The following OTUD7A variants were observed in gnomAD, a reference collection of about 807,000 sequenced individuals.
OTUD7A encodes OTU deubiquitinase 7A.
Under a neutral mutation model 65.7 loss-of-function variants are expected in OTUD7A, and 12 were observed. The observed-to-expected ratio is 0.18, with a 90% CI of 0.12 to 0.30. The LOEUF (loss-of-function observed/expected upper bound fraction) is 0.30, where lower values mean the gene tolerates loss of function less well. Among genes scored for constraint, OTUD7A ranks in the 10% least tolerant of loss-of-function variants. The pLI, the probability that OTUD7A is intolerant of heterozygous loss-of-function variation, is 1.00. For synonymous variants in OTUD7A, 641 were observed against 586.3 expected, an observed-to-expected ratio of 1.09 and a Z score of -1.35; for missense variants, 1,148 against 1,304.8, an observed-to-expected ratio of 0.88 and a Z score of 1.85.
In OTUD7A at chr15:31,822,153, T is replaced by C. The variant is rs147118504; in HGVS notation, c.-100+48354A>G. ...ATTTCTTCTCTTGTTCCTGGTCTTT[T>C]GGTATCGTACAGTGGTAGCTCTCTG... On this transcript the variant is annotated intron_variant, in intron 1 of 12. Coordinates refer to ENST00000307050, the MANE Select transcript of OTUD7A (RefSeq NM_001382637.1). 3.3e-3 allele frequency among the ~76,000 whole-genome samples: 500 copies of C among 152,348 alleles called. 3 individuals carry two copies. Among genetic ancestry groups the C allele is most frequent in the African/African-American group, 0.012 (484 of 41,578 alleles).
chr15:31,859,298 A>G (rs1897659313), intron 1 of OTUD7A, among the ~76,000 whole-genome samples: 1 of 152,340 alleles, frequency 6.6e-6, no homozygotes, highest in Non-Finnish European at 1.5e-5. Flanking sequence ...GAGCTAATCA[A>G]TGTATGCCTT....
intron 1 of OTUD7A, among the ~76,000 whole-genome samples, chr15:31,752,487 ACT>A (rs1894664323): frequency 6.6e-6 from 1 of 152,174 alleles, no homozygotes; most frequent in Non-Finnish European, 1.5e-5. Flanking sequence ...AACATTTTGT[ACT>A]CTGTTACTCT....
At chr15:31,584,747 G>A (rs1246694442) in intron 3 of OTUD7A, among the ~76,000 whole-genome samples, 1 of 152,140 alleles carries the variant, frequency 6.6e-6, no homozygotes, top group Non-Finnish European at 1.5e-5. Flanking sequence ...GCAGACAAGG[G>A]GTGCCCAATA....
chr15:31,782,962 T>C (rs184311300), intron 1 of OTUD7A, among the ~76,000 whole-genome samples: 5 of 152,242 alleles, frequency 3.3e-5, no homozygotes, highest in Non-Finnish European at 5.9e-5. Flanking sequence ...AAAACTGGTA[T>C]TTAAAGCCGT....
At chr15:31,771,788 A>C (rs1448594020) in intron 1 of OTUD7A, among the ~76,000 whole-genome samples, 1 of 152,070 alleles carries the variant, frequency 6.6e-6, no homozygotes, top group Non-Finnish European at 1.5e-5. Context: ...CAACCTCTTC[A>C]GCCTCTCCCA....
intron 1 of OTUD7A, among the ~76,000 whole-genome samples, chr15:31,837,485 G>A (rs983669402): frequency 1.3e-5 from 2 of 152,088 alleles, no homozygotes; most frequent in Non-Finnish European, 2.9e-5. Flanking sequence ...GGCAGAGGTT[G>A]CAGTGGGGCA....
At chr15:31,589,460 C>CTGG (rs1889651499) in intron 3 of OTUD7A, among the ~76,000 whole-genome samples, 1 of 112,874 alleles carries the variant, frequency 8.9e-6, no homozygotes. Context: ...CTGTCCTGGG[C>CTGG]TTGTTTTTTT....
intron 3 of OTUD7A, among the ~76,000 whole-genome samples, chr15:31,633,557 G>A (rs1453006703): frequency 3.3e-5 from 5 of 152,152 alleles, no homozygotes; most frequent in African/African-American, 1.2e-4. Flanking sequence ...ATCCAGAGAT[G>A]TGCCTTATAT....
intron 1 of OTUD7A, among the ~76,000 whole-genome samples, chr15:31,860,838 T>C (rs1897721291): frequency 6.7e-6 from 1 of 148,278 alleles, no homozygotes; most frequent in Non-Finnish European, 1.5e-5. Context: ...TCCAAGTAGC[T>C]GGGACTACAG....
In OTUD7A at chr15:31,786,831, G is replaced by A. The variant is rs531059428; in HGVS notation, c.-100+83676C>T. Among the ~76,000 whole-genome samples the A allele has an allele frequency of 7.9e-5, 12 of 152,188 alleles. No individual in the cohort carries two copies. The East Asian group carries it at 2.1e-3, about 27-fold the overall frequency. The stretch of plus-strand genomic sequence containing the variant: ...GAAGCATCCCAGAGTTCTGACCCAG[G>A]ACCCCGCAGTGATATCACAGACAGA... On this transcript the variant is annotated intron_variant, in intron 1 of 12. Transcript: ENST00000307050.
In OTUD7A at chr15:31,487,222, G is replaced by A. The variant is rs779792575; in HGVS notation, c.1343C>T (p.Thr448Met). Reference protein sequence around the residue: ...LNLLHSYMNVTWIRIPSETRA... With the variant: ...LNLLHSYMNVMWIRIPSETRA... Reference sequence around the variant, plus strand: ...TGTCTCGGAGGGGATCCGGATCCACGTCACGTTCATGTAGCTGTGCAGAAG... The same window carrying A: ...TGTCTCGGAGGGGATCCGGATCCACATCACGTTCATGTAGCTGTGCAGAAG... Residue 448 changes from threonine to methionine, a missense_variant, in exon 12 of 13, where the codon ACG becomes ATG. Around this residue, in one of 6 missense-constraint regions of OTUD7A, gnomAD observed 842 missense variants for 769.5 expected, o/e 1.09. Transcript: ENST00000307050. This position sits in a 1 kb window ranked among gnomAD's most constrained non-coding sequence, Gnocchi z 6.0. The A allele has an allele frequency of 1.7e-5, 27 of 1,614,020 alleles. No homozygotes were observed. Among genetic ancestry groups the A allele is most frequent in the Non-Finnish European group, 2.2e-5 (26 of 1,179,988 alleles).
rs1325403313 is a variant in OTUD7A at position 31,660,107 on chromosome 15, A to G, written c.-99-3030T>C. On this transcript the variant is annotated intron_variant, in intron 1 of 12. Transcript: ENST00000307050. ...CAATAGGCAAATGTACTGTTCTGGT[A>G]TTGAGAATCCACCCTTGACTACCCA... is the stretch of plus-strand genomic sequence containing the variant. 2.0e-5 allele frequency among the ~76,000 whole-genome samples: 3 copies of G among 152,294 alleles called. No homozygotes were observed. In the East Asian group the frequency reaches 5.8e-4, roughly 29 times the overall value.
At chr15:31,562,440 G>C (rs74012523) in intron 4 of OTUD7A, among the ~76,000 whole-genome samples, 4,139 of 152,250 alleles carry the variant, frequency 0.027, 197 homozygotes, top group African/African-American at 0.093. Flanking sequence ...CACTAGCTGG[G>C]GTAGGGGGCT....
chr15:31,698,192 C>T (rs1893128186), intron 1 of OTUD7A, among the ~76,000 whole-genome samples: 1 of 152,266 alleles, frequency 6.6e-6, no homozygotes, highest in African/African-American at 2.4e-5. Flanking sequence ...CCCTTATTCT[C>T]TGGTTATTTG....
chr15:31,694,388 A>T (rs969127826), intron 1 of OTUD7A, among the ~76,000 whole-genome samples: 1 of 152,160 alleles, frequency 6.6e-6, no homozygotes, highest in South Asian at 2.1e-4. Flanking sequence ...ACCCTTCACA[A>T]GCCCAGATCC....
intron 3 of OTUD7A, among the ~76,000 whole-genome samples, chr15:31,622,421 C>G (rs987290622): frequency 6.6e-6 from 1 of 152,170 alleles, no homozygotes; most frequent in Non-Finnish European, 1.5e-5. Context: ...TGGATTTGGT[C>G]TTTTCACATA....
intron 1 of OTUD7A, among the ~76,000 whole-genome samples, chr15:31,774,749 C>T (rs918776945): frequency 1.1e-4 from 16 of 152,160 alleles, no homozygotes; most frequent in Admixed American, 8.5e-4. Context: ...TACTATCAGC[C>T]ACTTAAGTTT....
rs1387528706 is a variant in OTUD7A, at chr15:31,765,934, C to T, written c.-100+104573G>A. The T allele has an allele frequency of 4.5e-6, 6 of 1,320,796 alleles. 1 individual carries two copies. The East Asian group carries it at 6.9e-5, about 15-fold the overall frequency. 81.8% of individuals were successfully genotyped at this position (1,320,796 alleles called of 1,614,324 possible). On this transcript the variant is annotated intron_variant, in intron 1 of 12. Coordinates refer to ENST00000307050, the MANE Select transcript of OTUD7A (RefSeq NM_001382637.1). ...TTTAGAGGTAAAGTCCTGTTTTTAA[C>T]AATATTTTCTAAAAGTTCTGCAATT... is the stretch of plus-strand genomic sequence containing the variant.
At chr15:31,668,196 C>G (rs370957838) in intron 1 of OTUD7A, among the ~76,000 whole-genome samples, 2 of 152,320 alleles carry the variant, frequency 1.3e-5, no homozygotes, top group South Asian at 2.1e-4. Context: ...AGGTCTCTGG[C>G]AAGGCCAGGG....
Sources: allele counts gnomAD v4.1 joint callset (sites outside exome capture counted in the v4.1 genomes callset), GRCh38; gene constraint gnomAD v4.1.1; regional missense constraint gnomAD v4.1.1; non-coding constraint Gnocchi (gnomAD v3.1); transcripts MANE v1.5; gene names NCBI Gene and HGNC (gene_info 2026-07-23, HGNC 2026-07-21).